Variants in SESN1 observed in about 807,000 individuals in gnomAD.
The protein encoded by SESN1 is sestrin 1.
In SESN1, 30 loss-of-function variants were observed where a neutral mutation model predicts 59.3. The ratio of observed to expected loss-of-function variants is 0.51; its 90% CI spans 0.38 to 0.69. SESN1 has a LOEUF of 0.69. Among genes scored for constraint, SESN1 ranks in the 30% least tolerant of loss-of-function variants. The pLI is 0.00. For synonymous variants in SESN1, 197 were observed against 219.9 expected, an observed-to-expected ratio of 0.90 and a Z score of 0.92; for missense variants, 566 against 673.0, an observed-to-expected ratio of 0.84 and a Z score of 1.76.
intron 1 of SESN1, chr6:109,088,393 T>C (rs1238843119): frequency 1.3e-5 from 2 of 151,820 alleles, no homozygotes; most frequent in African/African-American, 4.8e-5. Context: ...CTCAATTGGA[T>C]AGCAACTAGA....
chr6:109,042,586 C>G (rs1780359766), intron 1 of SESN1, among the ~76,000 whole-genome samples: 1 of 149,276 alleles, frequency 6.7e-6, no homozygotes, highest in South Asian at 2.1e-4. Context: ...ATACTGTGAA[C>G]ATTCTATACT....
chr6:109,052,652 T>C (rs1780559618), intron 1 of SESN1, among the ~76,000 whole-genome samples: 1 of 152,240 alleles, frequency 6.6e-6, no homozygotes, highest in Non-Finnish European at 1.5e-5. Context: ...CAATTTTTAT[T>C]GACAAGCAGG....
chr6:109,009,548 CGGACGGCG>C, intron 1 of SESN1: 1 of 1,003,254 alleles, frequency 1.0e-6, no homozygotes, highest in Non-Finnish European at 1.1e-6. Flanking sequence ...TCAGTCAGCA[CGGACGGCG>C]GGGGGGCGGG....
rs567055547 is a variant in SESN1 at position 109,001,402 on chromosome 6, C to A, written c.432G>T (p.Thr144=). The A allele has an allele frequency of 6.2e-7, 1 of 1,613,738 alleles. No individual in the cohort carries two copies. ...ATTGTGGGTGGAAAACCATCACTAA[C>A]GTAATGTTATCCAAACGGCCCAAAG... ...FAALGRLDNI[T]LVMVFHPQYL... The change falls in exon 3 of 10, where the codon ACG becomes ACT. Residue 144 remains threonine (T), a synonymous_variant. Transcript: ENST00000436639.
rs1355446650 is a variant in SESN1 at position 109,037,097 on chromosome 6, T to G, written c.280-34754A>C. 2.0e-5 allele frequency among the ~76,000 whole-genome samples: 3 copies of G among 152,166 alleles called. No homozygotes were observed. The East Asian group carries it at 5.8e-4, about 29-fold the overall frequency. The stretch of plus-strand genomic sequence containing the variant: ...ACAGCATAAAAAGGCATGAAAACTT[T>G]CTAAGTAGTAAAGACAATCTTTCCC... On this transcript the variant is annotated intron_variant, in intron 1 of 9. Transcript: ENST00000436639.
intron 1 of SESN1, chr6:109,008,908 A>C: frequency 1.0e-6 from 1 of 987,236 alleles, no homozygotes; most frequent in South Asian, 4.7e-5. Flanking sequence ...TTTAAGTAGG[A>C]GGCAAAGGGG....
chr6:109,046,692 G>A (rs1194433975), intron 1 of SESN1, among the ~76,000 whole-genome samples: 46 of 135,924 alleles, frequency 3.4e-4, no homozygotes, highest in African/African-American at 1.2e-3. Context: ...GTCTCTGCCC[G>A]GCCGCCCATC....
intron 1 of SESN1, among the ~76,000 whole-genome samples, chr6:109,019,942 T>C (rs1256288536): frequency 6.6e-6 from 1 of 152,228 alleles, no homozygotes; most frequent in East Asian, 1.9e-4. Flanking sequence ...ACTAAATTTA[T>C]ACATAAGTGG....
chr6:109,012,244 CTTT>C (rs1050059466), intron 1 of SESN1, among the ~76,000 whole-genome samples: 10 of 138,888 alleles, frequency 7.2e-5, no homozygotes, highest in Non-Finnish European at 4.8e-5. Context: ...TTTGATATTT[CTTT>C]TTTTTTTTTT....
At position 109,040,585 on chromosome 6, in the gene SESN1, T is replaced by C. The variant is rs368925908; in HGVS notation, c.280-38242A>G. Among the ~76,000 whole-genome samples, 10 of 152,302 alleles carry C rather than the reference T, an allele frequency of 6.6e-5. No individual in the cohort carries two copies. The South Asian group carries it at 2.1e-3, about 32-fold the overall frequency. On this transcript the variant is annotated intron_variant, in intron 1 of 9. Coordinates refer to ENST00000436639, the MANE Select transcript of SESN1 (RefSeq NM_014454.3). ...ATTAAATTAAAACAGGAATTCTTGG[T>C]GTCGCTTCCCTGAATTTAACTTCTT... is the stretch of plus-strand genomic sequence containing the variant.
intron 1 of SESN1, among the ~76,000 whole-genome samples, chr6:109,006,433 T>G (rs1779732584): frequency 6.6e-6 from 1 of 151,608 alleles, no homozygotes; most frequent in Non-Finnish European, 1.5e-5. Flanking sequence ...TATCTCCTAA[T>G]GCTATCCCTC....
At chr6:109,040,533 A>T (rs1780322307) in intron 1 of SESN1, among the ~76,000 whole-genome samples, 1 of 152,108 alleles carries the variant, frequency 6.6e-6, no homozygotes, top group Non-Finnish European at 1.5e-5. Context: ...AACGCCAGCA[A>T]ATTACATCAG....
chr6:109,056,760 C>T (rs1187463239), intron 1 of SESN1, among the ~76,000 whole-genome samples: 1 of 152,184 alleles, frequency 6.6e-6, no homozygotes, highest in East Asian at 1.9e-4. Context: ...AGGCAGCTTA[C>T]AAGATGGCTC....
In SESN1 at chr6:108,984,666, T is replaced by C. The variant is rs1384825779; in HGVS notation, c.*2878A>G. Among the ~76,000 whole-genome samples, 1 of 152,252 alleles carries C rather than the reference T, an allele frequency of 6.6e-6. No homozygotes were observed. Among genetic ancestry groups the C allele is most frequent in the Admixed American group, 6.5e-5 (1 of 15,292 alleles). ...TTATTCCTAAGTATTTTATTCTTTT[T>C]GATCCTATTGTAAATGGAATTGTTA... On this transcript the variant is annotated 3_prime_UTR_variant, in exon 10 of 10. Transcript: ENST00000436639.
intron 1 of SESN1, among the ~76,000 whole-genome samples, chr6:109,069,151 G>GA (rs1258027079): frequency 6.6e-6 from 1 of 152,056 alleles, no homozygotes; most frequent in East Asian, 1.9e-4. Context: ...CAAAAGGAGA[G>GA]AAAAAAACAG....
In SESN1 at chr6:109,001,331, T is replaced by C. The variant is rs1252484837; in HGVS notation, c.503A>G (p.Asp168Gly). Residue 168 changes from aspartate to glycine, a missense_variant, in exon 3 of 10, where the codon GAT becomes GGT. Physicochemically the swap from Asp to Gly is moderately conservative, Grantham distance 94. Transcript: ENST00000436639. ...ACGATAATGTAGGGGTAACGGCCCA[T>C]CCATTTGCAGTAGATAGTGCTGAGT... ...LKTQHYLLQM[D>G]GPLPLHYRHY... 1 of 1,613,870 alleles carries C rather than the reference T, an allele frequency of 6.2e-7. No homozygotes were observed.
At chr6:109,082,434 A>G (rs1193940340) in intron 1 of SESN1, among the ~76,000 whole-genome samples, 1 of 152,196 alleles carries the variant, frequency 6.6e-6, no homozygotes, top group African/African-American at 2.4e-5. Flanking sequence ...TTGCCCAGTC[A>G]CACAGTTTGG....
chr6:109,076,485 T>G (rs1001810028), intron 1 of SESN1, among the ~76,000 whole-genome samples: 8 of 152,216 alleles, frequency 5.3e-5, no homozygotes, highest in Non-Finnish European at 1.0e-4. Flanking sequence ...TATGGAAACT[T>G]GTTTTATTGG....
chr6:109,022,029 G>A (rs1161209497), intron 1 of SESN1, among the ~76,000 whole-genome samples: 1 of 151,746 alleles, frequency 6.6e-6, no homozygotes. Context: ...TGTTAATTAA[G>A]CACCTACTAT....
Sources: allele counts gnomAD v4.1 joint callset (sites outside exome capture counted in the v4.1 genomes callset), GRCh38; gene constraint gnomAD v4.1.1; transcripts MANE v1.5; gene names NCBI Gene and HGNC (gene_info 2026-07-23, HGNC 2026-07-21).